The following IMPG1 variants were observed in gnomAD, a reference collection of about 807,000 sequenced individuals.
IMPG1 encodes interphotoreceptor matrix proteoglycan of 150 kDa.
Under a neutral mutation model 92.0 loss-of-function variants are expected in IMPG1, and 85 were observed. That is an observed-to-expected ratio of 0.92 (90% CI 0.78 to 1.11). The LOEUF (loss-of-function observed/expected upper bound fraction) is 1.11, where lower values mean the gene tolerates loss of function less well. Among genes scored for constraint, IMPG1 ranks in the 50% least tolerant of loss-of-function variants. The pLI, the probability that IMPG1 is intolerant of heterozygous loss-of-function variation, is 0.00. For synonymous variants in IMPG1, 367 were observed against 334.1 expected, an observed-to-expected ratio of 1.10 and a Z score of -1.08; for missense variants, 1,022 against 956.0, an observed-to-expected ratio of 1.07 and a Z score of -0.91.
intron 12 of IMPG1, among the ~76,000 whole-genome samples, chr6:75,980,225 T>G (rs755700479): frequency 1.6e-4 from 24 of 152,344 alleles, no homozygotes; most frequent in Non-Finnish European, 3.2e-4. Flanking sequence ...ATATAAAAGA[T>G]AATCCATCCT....
At chr6:76,032,447 T>G (rs1411884728) in intron 4 of IMPG1, among the ~76,000 whole-genome samples, 10 of 152,204 alleles carry the variant, frequency 6.6e-5, no homozygotes, top group Non-Finnish European at 1.5e-4. Flanking sequence ...CCTGGCAATA[T>G]CTTTTTAAAA....
At position 75,939,421 on chromosome 6, in the gene IMPG1, A is replaced by G. The variant is rs572457632; in HGVS notation, c.2044+7893T>C. 2.6e-5 allele frequency among the ~76,000 whole-genome samples: 4 copies of G among 152,146 alleles called. No homozygotes were observed. In the South Asian group the frequency reaches 6.2e-4, roughly 24 times the overall value. ...TGTGTCCATGTGTTCTCACTGTTCA[A>G]TTCCCACCTATGAGTGAGAATATGT... On this transcript the variant is annotated intron_variant, in intron 14 of 16. Transcript: ENST00000369950.
rs370055778 is a variant in IMPG1 at position 76,034,800 on chromosome 6, G to A, written c.302-13C>T. The A allele has an allele frequency of 1.2e-6, 2 of 1,605,930 alleles. No individual in the cohort carries two copies. Among genetic ancestry groups the A allele is most frequent in the African/African-American group, 2.7e-5 (2 of 74,768 alleles). ...GCTTCCTGACACACTGTAATACAGA[G>A]TCATTAATGGCCATGCCCTAAGAGG... is the stretch of plus-strand genomic sequence containing the variant. On this transcript the variant is annotated splice_polypyrimidine_tract_variant and intron_variant, in intron 2 of 16. Coordinates refer to ENST00000369950, the MANE Select transcript of IMPG1 (RefSeq NM_001563.4).
At chr6:75,982,744 A>C (rs1782649388) in intron 12 of IMPG1, among the ~76,000 whole-genome samples, 1 of 152,078 alleles carries the variant, frequency 6.6e-6, no homozygotes, top group South Asian at 2.1e-4. Context: ...GTAACATTTT[A>C]ACTATGGTTT....
chr6:76,057,961 G>A (rs1034892252), intron 1 of IMPG1, among the ~76,000 whole-genome samples: 1 of 139,348 alleles, frequency 7.2e-6, no homozygotes, highest in Non-Finnish European at 1.6e-5. Context: ...ATAAAGGTGT[G>A]CTTCAGTAAA....
At chr6:75,973,243 G>T (rs895738932) in intron 12 of IMPG1, among the ~76,000 whole-genome samples, 1 of 151,988 alleles carries the variant, frequency 6.6e-6, no homozygotes, top group Non-Finnish European at 1.5e-5. Context: ...GCCTCCCAAA[G>T]TGTCCGGATT....
chr6:75,955,110 C>T (rs1782096061), intron 12 of IMPG1, among the ~76,000 whole-genome samples: 1 of 151,994 alleles, frequency 6.6e-6, no homozygotes, highest in South Asian at 2.1e-4. Flanking sequence ...TTTTTTGGTC[C>T]CATATGAAAT....
At chr6:76,068,039 A>G (rs1784341724) in intron 1 of IMPG1, among the ~76,000 whole-genome samples, 1 of 152,166 alleles carries the variant, frequency 6.6e-6, no homozygotes, top group African/African-American at 2.4e-5. Context: ...AACATACCTC[A>G]AAATAATTAA....
chr6:76,052,277 A>G (rs1304896774), intron 1 of IMPG1, among the ~76,000 whole-genome samples: 1 of 152,204 alleles, frequency 6.6e-6, no homozygotes, highest in African/African-American at 2.4e-5. Context: ...GTGCAAACTC[A>G]TCATCCGTCT....
chr6:76,029,842 C>T (rs1301969761), intron 4 of IMPG1, among the ~76,000 whole-genome samples: 7 of 152,162 alleles, frequency 4.6e-5, no homozygotes, highest in Non-Finnish European at 1.0e-4. Flanking sequence ...TGTCACAAGA[C>T]ATCCTTTTCT....
intron 1 of IMPG1, among the ~76,000 whole-genome samples, chr6:76,056,574 T>A (rs1582134475): frequency 6.6e-6 from 1 of 152,176 alleles, no homozygotes; most frequent in Non-Finnish European, 1.5e-5. Flanking sequence ...GATAGTATGG[T>A]AATTCTATTT....
chr6:76,018,571 G>T, intron 7 of IMPG1, 147 bp downstream of exon 7: 1 of 630,708 alleles, frequency 1.6e-6, no homozygotes, highest in East Asian at 3.0e-5. Flanking sequence ...ACATGTTAGG[G>T]CCCATTGTAA....
intron 12 of IMPG1, among the ~76,000 whole-genome samples, chr6:75,988,908 A>G (rs1258569691): frequency 6.6e-6 from 1 of 152,134 alleles, no homozygotes; most frequent in East Asian, 1.9e-4. Context: ...GTCTACCTCC[A>G]AGGTCTTAAG....
At chr6:76,048,717 A>G (rs1783987185) in intron 1 of IMPG1, among the ~76,000 whole-genome samples, 1 of 152,198 alleles carries the variant, frequency 6.6e-6, no homozygotes, top group African/African-American at 2.4e-5. Context: ...TTTCCTCCAG[A>G]TACTAGCTCA....
At chr6:75,979,812 G>A (rs552062954) in intron 12 of IMPG1, among the ~76,000 whole-genome samples, 1 of 152,272 alleles carries the variant, frequency 6.6e-6, no homozygotes, top group Admixed American at 6.5e-5. Flanking sequence ...CACAACAAAA[G>A]AGTAACTGTA....
Position 76,019,002 on chromosome 6 carries a change from C to A in IMPG1, c.667-144G>T, listed in dbSNP as rs1363336807. 5 of 710,506 alleles carry A rather than the reference C, an allele frequency of 7.0e-6. No individual in the cohort carries two copies. The South Asian group carries it at 1.1e-4, about 16-fold the overall frequency. 44.0% of individuals were successfully genotyped at this position (710,506 alleles called of 1,614,324 possible). On this transcript the variant is annotated intron_variant, in intron 6 of 16. Transcript: ENST00000369950. ...GCAATCAAAATCCTTTTAACTAGAA[C>A]TTAGAGAAGAGCCTAGACTGGTTTA... is the stretch of plus-strand genomic sequence containing the variant.
At chr6:75,991,301 G>T (rs1369514501) in intron 12 of IMPG1, among the ~76,000 whole-genome samples, 1 of 151,940 alleles carries the variant, frequency 6.6e-6, no homozygotes, top group East Asian at 1.9e-4. Flanking sequence ...TGAGGCAAGA[G>T]AATCGCTTGA....
At chr6:75,940,848 T>G (rs1781827599) in intron 14 of IMPG1, among the ~76,000 whole-genome samples, 2 of 152,202 alleles carry the variant, frequency 1.3e-5, no homozygotes, top group Admixed American at 6.5e-5. Context: ...GTCTGCATTT[T>G]CCTCTTGCAT....
rs904278942 is a variant in IMPG1, at chr6:75,937,560, A to G, written c.2045-6409T>C. Among the ~76,000 whole-genome samples the G allele has an allele frequency of 5.3e-5, 8 of 152,300 alleles. No homozygotes were observed. In the South Asian group the frequency reaches 8.3e-4, roughly 16 times the overall value. ...ATTACTTATTCTTCTCTGAAACACA[A>G]TTTCTGCAGCTGTACAGTGGGGGGA... On this transcript the variant is annotated intron_variant, in intron 14 of 16. Transcript: ENST00000369950.
Sources: gnomAD v4.1 joint callset for allele counts (sites outside exome capture counted in the v4.1 genomes callset) on GRCh38, gnomAD v4.1.1 for gene constraint, MANE v1.5 for transcripts, NCBI Gene and HGNC (gene_info 2026-07-23, HGNC 2026-07-21) for gene names.